The following AARS1 variants were observed in gnomAD, a reference collection of about 807,000 sequenced individuals.
AARS1 encodes alanyl-tRNA synthetase 1.
AARS1 carries 72 observed loss-of-function variants against 108.9 expected under a neutral mutation model. That is an observed-to-expected ratio of 0.66 (90% CI 0.55 to 0.80). The LOEUF (loss-of-function observed/expected upper bound fraction) is 0.80, where lower values mean the gene tolerates loss of function less well. Among genes scored for constraint, AARS1 ranks in the 30% least tolerant of loss-of-function variants. The pLI, the probability that AARS1 is intolerant of heterozygous loss-of-function variation, is 0.00. For missense variants in AARS1, 1,193 were observed against 1,233.2 expected (o/e 0.97, Z 0.49); for synonymous variants, 489 against 465.7 (o/e 1.05, Z -0.64).
chr16:70,259,991 C>T (rs1279598727), intron 13 of AARS1, among the ~76,000 whole-genome samples: 1 of 152,122 alleles, frequency 6.6e-6, no homozygotes, highest in Non-Finnish European at 1.5e-5. Context: ...AGGCTGGTCT[C>T]GAACTCCCGA....
At chr16:70,275,940 A>AAAAAAAAAAC (rs1960537900) in intron 4 of AARS1, 1 of 137,402 alleles carries the variant, frequency 7.3e-6, no homozygotes, top group African/African-American at 3.3e-5. Flanking sequence ...CCATCTCAAA[A>AAAAAAAAAAC]AAAAAAAAAA....
At chr16:70,270,546 G>A (rs761652764) in intron 5 of AARS1, among the ~76,000 whole-genome samples, 22 of 152,082 alleles carry the variant, frequency 1.4e-4, no homozygotes, top group Non-Finnish European at 1.9e-4. Context: ...GTTCATTTAA[G>A]AGTGAGGAAA....
intron 1 of AARS1, among the ~76,000 whole-genome samples, chr16:70,287,204 G>T (rs1256453656): frequency 7.4e-6 from 1 of 135,168 alleles, no homozygotes; most frequent in Non-Finnish European, 1.5e-5. Context: ...GCAGTGAGCC[G>T]AGATCGCGCC....
chr16:70,260,131 T>C (rs1170985298), intron 13 of AARS1, among the ~76,000 whole-genome samples: 7 of 152,206 alleles, frequency 4.6e-5, no homozygotes, highest in Non-Finnish European at 1.0e-4. Flanking sequence ...CAATGGCTGC[T>C]TGAACACTCC....
chr16:70,268,628 G>A (rs1296468362), intron 7 of AARS1, among the ~76,000 whole-genome samples: 3 of 152,278 alleles, frequency 2.0e-5, no homozygotes, highest in African/African-American at 7.2e-5. Context: ...ATAGAGGGAG[G>A]AAAGATGGAC....
chr16:70,282,657 T>A lies in AARS1; in HGVS notation c.107A>T (p.Asp36Val), dbSNP rs773168582. The A allele has an allele frequency of 1.9e-6, 3 of 1,614,146 alleles. No homozygotes were observed. Among genetic ancestry groups the A allele is most frequent in the Non-Finnish European group, 2.5e-6 (3 of 1,180,044 alleles). The stretch of plus-strand genomic sequence containing the variant: ...TGCATTGGCAAAGAGCAAAGTGGGG[T>A]CATCCAATGGGATGGTGGCAGACGA... ...VHSSATIPLD[D>V]PTLLFANAGM... Residue 36 changes from aspartate to valine, a missense_variant, in exon 2 of 21, where the codon GAC becomes GTC. Asp to Val is a radical substitution (Grantham distance 152). Transcript: ENST00000261772.
intron 20 of AARS1, 98 bp downstream of exon 20, chr16:70,253,170 G>A (rs985512771): frequency 7.4e-6 from 8 of 1,078,328 alleles, no homozygotes; most frequent in South Asian, 6.6e-5. Context: ...ACCAACCGGT[G>A]GGCAGAAAGG....
chr16:70,258,304 G>C (rs1960044140), intron 14 of AARS1, 87 bp from the exon 15 acceptor site: 2 of 1,473,698 alleles, frequency 1.4e-6, no homozygotes, highest in East Asian at 4.9e-5. Flanking sequence ...CCTGCAGGCA[G>C]GACTCGGGTT....
rs542696688 is a variant in AARS1, at chr16:70,271,299, C to T, written c.671+482G>A. On this transcript the variant is annotated intron_variant, in intron 5 of 20. Transcript: ENST00000261772. Reference sequence around the variant, plus strand: ...ATCCCAGCACTTTGGGAGGCTGAGGCGGGCGGATCACCTGAGGTTGGGAGT... The same window carrying T: ...ATCCCAGCACTTTGGGAGGCTGAGGTGGGCGGATCACCTGAGGTTGGGAGT... Among the ~76,000 whole-genome samples the T allele has an allele frequency of 8.5e-5, 13 of 152,114 alleles. 1 individual carries two copies. Among genetic ancestry groups the T allele is most frequent in the Non-Finnish European group, 4.4e-5 (3 of 67,994 alleles).
At chr16:70,279,844 C>T (rs1960651732) in intron 2 of AARS1, among the ~76,000 whole-genome samples, 1 of 152,006 alleles carries the variant, frequency 6.6e-6, no homozygotes, top group Non-Finnish European at 1.5e-5. Context: ...ATTAATGCCT[C>T]CAATTCTAGG....
Position 70,252,583 on chromosome 16 carries a change from G to C in AARS1, c.*138C>G. On this transcript the variant is annotated 3_prime_UTR_variant, in exon 21 of 21. Coordinates refer to ENST00000261772, the MANE Select transcript of AARS1 (RefSeq NM_001605.3). ...AAATTTAAGGGGCACTGAGACATAGGACTGCTCCCAAGTGTGTTCCAGTTA... is the reference window on the plus strand; with the variant it reads ...AAATTTAAGGGGCACTGAGACATAGCACTGCTCCCAAGTGTGTTCCAGTTA... 3 of 947,634 alleles carry C rather than the reference G, an allele frequency of 3.2e-6. No homozygotes were observed. In the South Asian group the frequency reaches 4.2e-5, roughly 13 times the overall value. The allele number at this position is 947,634 out of a possible 1,614,324, so 58.7% of individuals were successfully genotyped here.
intron 1 of AARS1, among the ~76,000 whole-genome samples, chr16:70,287,285 G>A (rs1368371932): frequency 6.9e-6 from 1 of 145,942 alleles, no homozygotes; most frequent in Non-Finnish European, 1.5e-5. Flanking sequence ...AAAATTAGCT[G>A]GGCATGGTAG....
At position 70,252,435 on chromosome 16, in the gene AARS1, C is replaced by T; in HGVS notation, c.*286G>A. On this transcript the variant is annotated 3_prime_UTR_variant, in exon 21 of 21. Transcript: ENST00000261772. ...TTCTCTGCAGCAAAAACGATTCCTA[C>T]TTGCTGACGCGGAAAGCTCAGGTCT... 2.0e-6 allele frequency: 1 copy of T among 506,882 alleles called. No homozygotes were observed. Among genetic ancestry groups the T allele is most frequent in the Non-Finnish European group, 3.6e-6 (1 of 278,962 alleles). 31.4% of individuals were successfully genotyped at this position (506,882 alleles called of 1,614,324 possible).
intron 2 of AARS1, among the ~76,000 whole-genome samples, chr16:70,277,845 C>A (rs897791771): frequency 6.6e-6 from 1 of 151,720 alleles, no homozygotes; most frequent in African/African-American, 2.4e-5. Context: ...CTCCATCTCC[C>A]GGGTTCAAGC....
intron 16 of AARS1, among the ~76,000 whole-genome samples, chr16:70,255,030 C>T (rs1396222629): frequency 1.3e-5 from 2 of 152,068 alleles, no homozygotes; most frequent in Non-Finnish European, 2.9e-5. Context: ...ACAAGTCAGA[C>T]ACACCAGTTC....
intron 9 of AARS1, among the ~76,000 whole-genome samples, chr16:70,266,352 C>T (rs541316532): frequency 5.3e-5 from 8 of 151,056 alleles, no homozygotes; most frequent in African/African-American, 1.7e-4. Flanking sequence ...AAAAAATTGC[C>T]AGGCGCGGTG....
At chr16:70,277,646 G>A (rs1183102510) in intron 2 of AARS1, among the ~76,000 whole-genome samples, 1 of 152,146 alleles carries the variant, frequency 6.6e-6, no homozygotes, top group African/African-American at 2.4e-5. Context: ...GCCTTGCTCT[G>A]AGGATGTATC....
intron 9 of AARS1, among the ~76,000 whole-genome samples, chr16:70,266,240 G>A (rs934424592): frequency 3.3e-5 from 5 of 152,080 alleles, no homozygotes; most frequent in Non-Finnish European, 2.9e-5. Context: ...CGTGAACCCG[G>A]GAGGTGGAGC....
chr16:70,253,933 C>T lies in AARS1; in HGVS notation c.2506G>A (p.Asp836Asn), dbSNP rs1217292644. The change falls in exon 18 of 21, where the codon GAT (aspartate) becomes AAT (asparagine). Residue 836 changes from aspartate to asparagine, a missense_variant. Transcript: ENST00000261772. ...MDDLDRASKADVQKRVLEKTK... is the reference protein window; with the variant it reads ...MDDLDRASKANVQKRVLEKTK... The stretch of plus-strand genomic sequence containing the variant: ...CCAGGACTCACTCGTTTCTGGACAT[C>T]GGCTTTGCTGGCTCGGTCCAAGTCA... The T allele has an allele frequency of 7.4e-6, 12 of 1,614,092 alleles. No homozygotes were observed. Among genetic ancestry groups the T allele is most frequent in the East Asian group, 4.5e-5 (2 of 44,902 alleles).
Sources: gnomAD v4.1 joint callset for allele counts (sites outside exome capture counted in the v4.1 genomes callset) on GRCh38, gnomAD v4.1.1 for gene constraint, MANE v1.5 for transcripts, NCBI Gene and HGNC (gene_info 2026-07-23, HGNC 2026-07-21) for gene names.